HECW2: variants seen among roughly 807,000 people sequenced by gnomAD.
HECW2 encodes HECT, C2 and WW domain containing E3 ubiquitin protein ligase 2.
HECW2 carries 61 observed loss-of-function variants against 175.2 expected under a neutral mutation model. The ratio of observed to expected loss-of-function variants is 0.35; its 90% CI spans 0.28 to 0.43. The LOEUF is 0.43. HECW2 is among the 20% of genes least tolerant of loss of function. The pLI is 1.00. For synonymous variants in HECW2, 671 were observed against 731.0 expected, an observed-to-expected ratio of 0.92 and a Z score of 1.32; for missense variants, 1,524 against 2,000.5, an observed-to-expected ratio of 0.76 and a Z score of 4.54.
intron 4 of HECW2, among the ~76,000 whole-genome samples, chr2:196,330,940 T>TA (rs930401910): frequency 6.6e-6 from 1 of 152,090 alleles, no homozygotes; most frequent in African/African-American, 2.4e-5. Flanking sequence ...ATTTTTTTTT[T>TA]AAACTCTTTC....
At chr2:196,502,026 T>C (rs1173310713) in intron 1 of HECW2, among the ~76,000 whole-genome samples, 1 of 152,230 alleles carries the variant, frequency 6.6e-6, no homozygotes, top group Admixed American at 6.5e-5. Context: ...ATATTGAATT[T>C]AACGTTCTTT....
intron 5 of HECW2, among the ~76,000 whole-genome samples, chr2:196,326,504 T>C (rs1054717978): frequency 2.6e-5 from 4 of 151,694 alleles, no homozygotes; most frequent in Non-Finnish European, 4.4e-5. Flanking sequence ...AGTGCTGTGG[T>C]GTGATCTTGG....
At chr2:196,491,436 C>T (rs575992502) in intron 1 of HECW2, among the ~76,000 whole-genome samples, 2 of 143,264 alleles carry the variant, frequency 1.4e-5, no homozygotes, top group Admixed American at 1.4e-4. Context: ...TGTGTATATA[C>T]ACACATATAT....
At chr2:196,370,189 A>C (rs1693867833) in intron 2 of HECW2, among the ~76,000 whole-genome samples, 2 of 151,826 alleles carry the variant, frequency 1.3e-5, no homozygotes, top group Non-Finnish European at 2.9e-5. Context: ...TACTACCTGG[A>C]TACTGCTGCT....
intron 21 of HECW2, among the ~76,000 whole-genome samples, chr2:196,229,241 C>G (rs1030176787): frequency 3.3e-5 from 5 of 151,856 alleles, no homozygotes; most frequent in African/African-American, 1.2e-4. Context: ...CTCCTTCTTC[C>G]TCTTTTCTCC....
chr2:196,295,057 C>G (rs888631563), intron 13 of HECW2, among the ~76,000 whole-genome samples: 5 of 152,160 alleles, frequency 3.3e-5, no homozygotes, highest in Non-Finnish European at 4.4e-5. Flanking sequence ...ATGAACCATC[C>G]TTGAACCTTA....
At chr2:196,544,934 A>G (rs115735302) in intron 1 of HECW2, among the ~76,000 whole-genome samples, 1,911 of 152,316 alleles carry the variant, frequency 0.013, 40 homozygotes, top group African/African-American at 0.044. Context: ...GGAAGCTTAG[A>G]AACCCCATGA....
chr2:196,278,133 A>AAATATATATATATAT (rs531920307), intron 15 of HECW2, among the ~76,000 whole-genome samples: 1 of 66,552 alleles, frequency 1.5e-5, no homozygotes, highest in Non-Finnish European at 3.3e-5. Flanking sequence ...ATAATTAAAA[A>AAATATATATATATAT]ATATATATAT....
intron 1 of HECW2, among the ~76,000 whole-genome samples, chr2:196,469,910 A>G (rs1697126599): frequency 1.3e-5 from 2 of 152,062 alleles, no homozygotes. Flanking sequence ...TTTTTTTTAC[A>G]ATGAATCCAA....
chr2:196,233,880 T>C (rs1054500222), intron 21 of HECW2, among the ~76,000 whole-genome samples: 5 of 152,168 alleles, frequency 3.3e-5, no homozygotes, highest in Middle Eastern at 3.2e-3. Flanking sequence ...AAGAACTGGT[T>C]GGTTACTTTA....
At chr2:196,331,407 TA>T (rs1209814546) in intron 4 of HECW2, 3 of 428,818 alleles carry the variant, frequency 7.0e-6, no homozygotes, top group African/African-American at 6.5e-5. Context: ...ACACCCTCGG[TA>T]ACCTGCCATT....
chr2:196,207,361 G>A (rs1687106856), intron 28 of HECW2, among the ~76,000 whole-genome samples: 1 of 152,038 alleles, frequency 6.6e-6, no homozygotes, highest in African/African-American at 2.4e-5. Context: ...TGTTAGCCTG[G>A]GTAGCTTTAT....
At chr2:196,464,935 A>C (rs866694915) in intron 1 of HECW2, among the ~76,000 whole-genome samples, 60 of 152,224 alleles carry the variant, frequency 3.9e-4, no homozygotes, top group African/African-American at 1.3e-3. Flanking sequence ...CCAGCTACTC[A>C]GGAGGCTGAG....
At chr2:196,499,407 T>C (rs1173342475) in intron 1 of HECW2, among the ~76,000 whole-genome samples, 1 of 152,156 alleles carries the variant, frequency 6.6e-6, no homozygotes. Flanking sequence ...TTTTAATCAA[T>C]GCAGGTTTCC....
intron 3 of HECW2, among the ~76,000 whole-genome samples, chr2:196,335,660 C>A (rs1298587391): frequency 6.6e-6 from 1 of 152,156 alleles, no homozygotes; most frequent in Non-Finnish European, 1.5e-5. Flanking sequence ...GAATTTATAT[C>A]ATTACACTCT....
At chr2:196,245,658 TAA>T in intron 19 of HECW2, among the ~76,000 whole-genome samples, 1 of 152,312 alleles carries the variant, frequency 6.6e-6, no homozygotes, top group East Asian at 1.9e-4. Context: ...AGGTGAATAC[TAA>T]AGACAGGGAA....
intron 2 of HECW2, among the ~76,000 whole-genome samples, chr2:196,348,472 G>A (rs1351016602): frequency 6.6e-6 from 1 of 151,766 alleles, no homozygotes; most frequent in African/African-American, 2.4e-5. Flanking sequence ...ACAAGACCCT[G>A]TCTCTACAAA....
intron 4 of HECW2, among the ~76,000 whole-genome samples, chr2:196,333,952 G>C (rs1341894218): frequency 6.6e-6 from 1 of 152,168 alleles, no homozygotes; most frequent in Non-Finnish European, 1.5e-5. Flanking sequence ...ACTCAGCATT[G>C]AGAAGGAACC....
chr2:196,584,352 T>C (rs1388323690), intron 1 of HECW2, among the ~76,000 whole-genome samples: 2 of 152,126 alleles, frequency 1.3e-5, no homozygotes, highest in South Asian at 2.1e-4. Flanking sequence ...GGAGGAAGCA[T>C]GGAAACTATC....
Sources: gnomAD v4.1 joint callset for allele counts (sites outside exome capture counted in the v4.1 genomes callset) on GRCh38, gnomAD v4.1.1 for gene constraint, MANE v1.5 for transcripts, NCBI Gene and HGNC (gene_info 2026-07-23, HGNC 2026-07-21) for gene names.